Variants in AFF3 observed in about 807,000 individuals in gnomAD.
AFF3 encodes AF4/FMR2 family member 3.
Under a neutral mutation model 129.7 loss-of-function variants are expected in AFF3, and 32 were observed. The ratio of observed to expected loss-of-function variants is 0.25; its 90% confidence interval spans 0.19 to 0.33. The LOEUF is 0.33. Among genes scored for constraint, AFF3 ranks in the 10% least tolerant of loss-of-function variants. AFF3 has a pLI of 1.00. For synonymous variants in AFF3, 644 were observed against 635.4 expected (o/e 1.01, Z -0.20); for missense variants, 1,373 against 1,592.0 (o/e 0.86, Z 2.34).
chr2:99,914,295 A>C (rs751183987), intron 7 of AFF3, among the ~76,000 whole-genome samples: 1 of 152,208 alleles, frequency 6.6e-6, no homozygotes, highest in Non-Finnish European at 1.5e-5. Context: ...ATATTAAACA[A>C]ACCTAAACTG....
rs116752874 is a variant in AFF3, at chr2:99,925,973, G to A, written c.873+80659C>T. 9.4e-3 allele frequency among the ~76,000 whole-genome samples: 1,436 copies of A among 152,352 alleles called. 22 individuals are homozygous for A. The highest frequency in any genetic ancestry group is 0.033 in the African/African-American group (1,365 of 41,592). On this transcript the variant is annotated intron_variant, in intron 7 of 24. Coordinates refer to ENST00000672756, the MANE Select transcript of AFF3 (RefSeq NM_001386135.1). ...ATATAAGCTGATGTCCCTTGCAACT[G>A]TGTAGTCTTTGCAGGCATTTTGATT...
chr2:99,986,345 T>A (rs1252221461), intron 7 of AFF3, among the ~76,000 whole-genome samples: 1 of 151,852 alleles, frequency 6.6e-6, no homozygotes, highest in Admixed American at 6.6e-5. Context: ...GCAAAATCCA[T>A]CCTGCGTTTA....
chr2:99,822,139 G>A (rs970463878), intron 8 of AFF3, among the ~76,000 whole-genome samples: 1 of 152,146 alleles, frequency 6.6e-6, no homozygotes, highest in African/African-American at 2.4e-5. Context: ...CTGCATCTCA[G>A]TTTCCTTCTC....
chr2:99,572,550 G>A (rs899743043), intron 18 of AFF3: 2 of 454,606 alleles, frequency 4.4e-6, no homozygotes, highest in African/African-American at 2.0e-5. Flanking sequence ...AGCTCAATGT[G>A]TTTGAACAAC....
At chr2:100,059,513 T>C (rs924526899) in intron 4 of AFF3, among the ~76,000 whole-genome samples, 1 of 152,078 alleles carries the variant, frequency 6.6e-6, no homozygotes, top group Non-Finnish European at 1.5e-5. Context: ...AGTTTACTGG[T>C]AGGGTCGTAA....
rs751437215 is a variant in AFF3, at chr2:99,594,157, C to G, written c.1504G>C (p.Glu502Gln). ...ESNQYYNPVKEDVQDCGKVPD... is the reference protein window; with the variant it reads ...ESNQYYNPVKQDVQDCGKVPD... ...ACTTTCCCACAGTCCTGGACGTCCT[C>G]TTTCACCGGGTTGTAGTACTGATTG... The change falls in exon 15 of 25, where the codon GAG (glutamate) becomes CAG (glutamine). Residue 502 changes from glutamate (E) to glutamine (Q), a missense_variant. Glu to Gln is a conservative substitution (Grantham distance 29). Coordinates refer to ENST00000672756, the MANE Select transcript of AFF3 (RefSeq NM_001386135.1). 6.2e-7 allele frequency: 1 copy of G among 1,614,176 alleles called. No homozygotes were observed. The highest frequency in any genetic ancestry group is 1.7e-5 in the Admixed American group (1 of 60,030).
chr2:100,006,049 A>G (rs1197944181), intron 7 of AFF3: 2 of 152,280 alleles, frequency 1.3e-5, no homozygotes, highest in Non-Finnish European at 2.9e-5. Flanking sequence ...TCAATTTGGA[A>G]TATGGTCTGA....
At chr2:99,660,827 A>G (rs1686167017) in intron 12 of AFF3, among the ~76,000 whole-genome samples, 1 of 152,186 alleles carries the variant, frequency 6.6e-6, no homozygotes, top group South Asian at 2.1e-4. Context: ...TTTTGGCTGC[A>G]GATCTGGTGG....
intron 7 of AFF3, among the ~76,000 whole-genome samples, chr2:99,984,477 G>A (rs1182286837): frequency 6.6e-6 from 1 of 152,140 alleles, no homozygotes; most frequent in East Asian, 1.9e-4. Context: ...AAGTATTAAG[G>A]TTGCTTAAGA....
At chr2:100,055,188 T>C (rs1044749941) in intron 4 of AFF3, among the ~76,000 whole-genome samples, 2 of 151,966 alleles carry the variant, frequency 1.3e-5, no homozygotes, top group Admixed American at 6.6e-5. Context: ...GAAAGAGACT[T>C]TTAGTACATA....
In AFF3 at chr2:99,744,961, G is replaced by A. The variant is rs562514245; in HGVS notation, c.1003-821C>T. On this transcript the variant is annotated intron_variant, in intron 9 of 24. Coordinates refer to ENST00000672756, the MANE Select transcript of AFF3 (RefSeq NM_001386135.1). ...TAAACTTTTTAAGGAACTGCCAAAC[G>A]ATTTTCCACAGCAGTGAAACCATTT... Among the ~76,000 whole-genome samples the A allele has an allele frequency of 2.0e-5, 3 of 152,270 alleles. No individual in the cohort carries two copies. The South Asian group carries it at 6.2e-4, about 32-fold the overall frequency.
chr2:100,115,159 CTT>C (rs1434219458), intron 2 of AFF3, among the ~76,000 whole-genome samples: 1 of 152,188 alleles, frequency 6.6e-6, no homozygotes, highest in Non-Finnish European at 1.5e-5. Flanking sequence ...AGAGCAGACT[CTT>C]TATCTATCAT....
intron 7 of AFF3, among the ~76,000 whole-genome samples, chr2:99,899,262 GTT>G (rs901051340): frequency 5.3e-5 from 8 of 152,128 alleles, no homozygotes; most frequent in Admixed American, 2.0e-4. Context: ...TTAAACTACA[GTT>G]TTCTGAAACA....
intron 7 of AFF3, among the ~76,000 whole-genome samples, chr2:99,909,396 G>A (rs866996845): frequency 1.7e-5 from 2 of 118,260 alleles, no homozygotes; most frequent in Non-Finnish European, 3.4e-5. Flanking sequence ...TAAATGATGA[G>A]TTACTGGAGG....
At chr2:99,992,671 CA>C in intron 7 of AFF3, among the ~76,000 whole-genome samples, 1 of 152,126 alleles carries the variant, frequency 6.6e-6, no homozygotes, top group Non-Finnish European at 1.5e-5. Context: ...AAAGCAATTC[CA>C]CAACTAACTA....
At chr2:99,654,395 T>G (rs973516286) in intron 12 of AFF3, among the ~76,000 whole-genome samples, 1 of 152,186 alleles carries the variant, frequency 6.6e-6, no homozygotes, top group African/African-American at 2.4e-5. Context: ...TACTGACTCC[T>G]CTCTTTAAAA....
chr2:100,075,250 G>A (rs1688497873), intron 4 of AFF3, among the ~76,000 whole-genome samples: 1 of 152,104 alleles, frequency 6.6e-6, no homozygotes, highest in African/African-American at 2.4e-5. Flanking sequence ...AAACATCCCT[G>A]ACTCCCCAAT....
chr2:99,554,368 T>G lies in AFF3; in HGVS notation c.3502A>C (p.Ile1168Leu), dbSNP rs529572220. The G allele has an allele frequency of 5.6e-6, 9 of 1,614,178 alleles. No homozygotes were observed. The East Asian group carries it at 2.0e-4, about 36-fold the overall frequency. Residue 1168 changes from isoleucine to leucine, a missense_variant, in exon 24 of 25, where the codon ATC becomes CTC. By Grantham distance (5) the Ile-to-Leu change is conservative. Around this residue, in one of 9 missense-constraint regions of AFF3, gnomAD observed 165 missense variants for 234.0 expected, o/e 0.71. Transcript: ENST00000672756. ...AANHVSITNS[I>L]LHSYDYWEMA... ...TCCCAGTAGTCGTAGCTGTGCAGGA[T>G]GCTGTTGGTGATGCTGACGTGGTTG...
At chr2:99,668,570 G>T (rs1480688943) in intron 12 of AFF3, among the ~76,000 whole-genome samples, 4 of 146,504 alleles carry the variant, frequency 2.7e-5, no homozygotes, top group Non-Finnish European at 3.0e-5. Flanking sequence ...TTTTTGTTTT[G>T]TTTTTTTTTC....
Sources: gnomAD v4.1 joint callset for allele counts (sites outside exome capture counted in the v4.1 genomes callset) on GRCh38, gnomAD v4.1.1 for gene constraint, gnomAD v4.1.1 regional missense constraint, MANE v1.5 for transcripts, NCBI Gene and HGNC (gene_info 2026-07-23, HGNC 2026-07-21) for gene names.